Variants in PHKA2 observed in about 807,000 individuals in gnomAD.
The protein encoded by PHKA2 is phosphorylase b kinase regulatory subunit alpha, liver isoform.
In PHKA2, 31 loss-of-function variants were observed where a neutral mutation model predicts 102.0. The observed-to-expected ratio is 0.30, with a 90% confidence interval of 0.23 to 0.41. The LOEUF is 0.41. Ranked by LOEUF, PHKA2 falls within the 10% of genes least tolerant of loss-of-function variation. The pLI, the probability that PHKA2 is intolerant of heterozygous loss-of-function variation, is 1.00. For synonymous variants in PHKA2, 455 were observed against 416.2 expected, an observed-to-expected ratio of 1.09 and a Z score of -1.13; for missense variants, 858 against 1,023.1, an observed-to-expected ratio of 0.84 and a Z score of 2.20.
At chrX:18,897,509 A>G (rs1306933597) in intron 29 of PHKA2, 176 bp from the exon 30 acceptor site, 2 of 463,200 alleles carry the variant, frequency 4.3e-6, no homozygotes, top group South Asian at 3.3e-5. Flanking sequence ...GATGACTCGC[A>G]TACTTTGGGT....
chrX:18,923,999 A>C, intron 17 of PHKA2, 57 bp downstream of exon 17: 2 of 799,102 alleles, frequency 2.5e-6, no homozygotes, highest in South Asian at 2.1e-5. Flanking sequence ...AGGGCAGCAA[A>C]GGACTTTAAG....
At chrX:18,900,551 C>T (rs967109963) in intron 28 of PHKA2, 119 bp downstream of exon 28, 2 of 648,374 alleles carry the variant, frequency 3.1e-6, no homozygotes, top group African/African-American at 2.2e-5. Flanking sequence ...TGCCCCAGCC[C>T]GTTTGCTGGA....
intron 5 of PHKA2, among the ~76,000 whole-genome samples, chrX:18,945,440 A>G (rs1016284796): frequency 1.8e-5 from 2 of 112,244 alleles, no homozygotes; most frequent in Non-Finnish European, 3.8e-5. Flanking sequence ...GAAACTCTGG[A>G]TGTATGGAGA....
chrX:18,975,295 C>A (rs2049071764), intron 1 of PHKA2, among the ~76,000 whole-genome samples: 1 of 111,494 alleles, frequency 9.0e-6, no homozygotes, highest in Admixed American at 9.5e-5. Context: ...GTAAGTCTCA[C>A]GGGATCTGAT....
chrX:18,895,232 T>A (rs1484844753), intron 30 of PHKA2, 41 bp from the exon 31 acceptor site: 1 of 1,147,310 alleles, frequency 8.7e-7, no homozygotes, highest in Non-Finnish European at 1.2e-6. Flanking sequence ...GATTCCAGAA[T>A]GGGATAAGCA....
rs758012915 is a variant in PHKA2, at chrX:18,894,352, C to T, written c.3389G>A (p.Arg1130His). 2.5e-5 allele frequency: 30 copies of T among 1,210,172 alleles called. No individual in the cohort carries two copies. The highest frequency in any genetic ancestry group is 5.2e-5 in the African/African-American group (3 of 57,447). Residue 1130 changes from arginine to histidine, a missense_variant, in exon 32 of 33, where the codon CGC (arginine) becomes CAC (histidine). This residue lies in a region of PHKA2 where 671 missense variants were observed against 745.2 expected (regional missense o/e 0.90). Coordinates refer to ENST00000379942, the MANE Select transcript of PHKA2 (RefSeq NM_000292.3). ...FAVHVESVLN[R>H]VPQPEYRQLL... is the part of the protein sequence containing the mutation. Reference sequence around the variant, plus strand: ...CTGCCGGTACTCGGGCTGCGGCACGCGGTTCAGCACCGATTCGACATGGAC... The same window carrying T: ...CTGCCGGTACTCGGGCTGCGGCACGTGGTTCAGCACCGATTCGACATGGAC...
At chrX:18,910,765 G>A (rs1378826155) in intron 20 of PHKA2, 107 bp downstream of exon 20, 4 of 494,764 alleles carry the variant, frequency 8.1e-6, no homozygotes, top group African/African-American at 2.4e-5. Context: ...CCCTGATATC[G>A]AGAAATATGC....
intron 5 of PHKA2, among the ~76,000 whole-genome samples, chrX:18,947,352 T>A (rs2048597950): frequency 8.9e-6 from 1 of 112,223 alleles, no homozygotes. Context: ...GGGGTTGTTG[T>A]GTAAAGGTGC....
At position 18,897,225 on chromosome X, in the gene PHKA2, C is replaced by T; in HGVS notation, c.3220G>A (p.Asp1074Asn). The T allele has an allele frequency of 8.3e-7, 1 of 1,211,112 alleles. No homozygotes were observed. Among genetic ancestry groups the T allele is most frequent in the South Asian group, 1.8e-5 (1 of 56,986 alleles). Residue 1074 changes from aspartate (D) to asparagine (N), a missense_variant, in exon 30 of 33, where the codon GAT (aspartate) becomes AAT (asparagine). Asp to Asn is a conservative substitution (Grantham distance 23). Coordinates refer to ENST00000379942, the MANE Select transcript of PHKA2 (RefSeq NM_000292.3). ...ACGGGGACCCTGTTGATGGCCCCAT[C>T]CAGCCTTCTCCTGCGCAGCCACTGG... is the stretch of plus-strand genomic sequence containing the variant. ...QGQWLRRRRLDGAINRVPVGF... is the reference protein window; with the variant it reads ...QGQWLRRRRLNGAINRVPVGF...
In PHKA2 at chrX:18,901,499, T is replaced by C. The variant is rs759600482; in HGVS notation, c.3013A>G (p.Ser1005Gly). ...GGTGTTCTTACCTGTTTCATTTCAC[T>C]CCTCAGTCTGTTAATGCCACTCCTC... ...TERSGINRLR[S>G]EMKQMTRRFS... Residue 1005 changes from serine (S) to glycine (G), a missense_variant, in exon 27 of 33, where the codon AGT becomes GGT. Coordinates refer to ENST00000379942, the MANE Select transcript of PHKA2 (RefSeq NM_000292.3). The C allele has an allele frequency of 2.6e-6, 3 of 1,171,221 alleles. No individual in the cohort carries two copies. Among genetic ancestry groups the C allele is most frequent in the Non-Finnish European group, 3.5e-6 (3 of 858,653 alleles).
chrX:18,983,905 G>A lies in PHKA2; in HGVS notation c.28C>T (p.Arg10Cys). The change falls in exon 1 of 33, where the codon CGC becomes TGC. Residue 10 changes from arginine to cysteine, a missense_variant. Arg to Cys is a radical substitution (Grantham distance 180). This residue lies in a region of PHKA2 where 187 missense variants were observed against 277.9 expected (regional missense o/e 0.67). Transcript: ENST00000379942. Reference protein sequence around the residue: MRSRSNSGVRLDGYARLVQQ... With the variant: MRSRSNSGVCLDGYARLVQQ... ...ACCAGCCGCGCGTACCCGTCCAAGC[G>A]GACCCCGGAATTGCTCCTGCTCCGC... 2 of 1,211,534 alleles carry A rather than the reference G, an allele frequency of 1.7e-6. No individual in the cohort carries two copies. The highest frequency in any genetic ancestry group is 2.2e-6 in the Non-Finnish European group (2 of 895,019).
chrX:18,916,230 C>T (rs1350051219), intron 19 of PHKA2, among the ~76,000 whole-genome samples: 1 of 112,007 alleles, frequency 8.9e-6, no homozygotes, highest in Non-Finnish European at 1.9e-5. Context: ...GCCTGGCCAA[C>T]ACGGTGAAAC....
chrX:18,906,856 G>C (rs1273248287), intron 23 of PHKA2, 42 bp from the exon 24 acceptor site: 1 of 1,103,594 alleles, frequency 9.1e-7, no homozygotes, highest in Admixed American at 2.2e-5. Flanking sequence ...GAGGTGTCTT[G>C]AGACAGTGCC....
rs2047470901 is a variant in PHKA2 at position 18,893,660 on chromosome X, A to C, written c.3538-5T>G. On this transcript the variant is annotated splice_polypyrimidine_tract_variant and splice_region_variant and intron_variant, in intron 32 of 32. Coordinates refer to ENST00000379942, the MANE Select transcript of PHKA2 (RefSeq NM_000292.3). ...GTCCATGGCACCAATTGACACCTGC[A>C]GTAGGAAAGGGCAGAGGGGACAATA... 2 of 1,206,746 alleles carry C rather than the reference A, an allele frequency of 1.7e-6. No individual in the cohort carries two copies. Among genetic ancestry groups the C allele is most frequent in the South Asian group, 3.5e-5 (2 of 56,908 alleles).
At position 18,901,563 on chromosome X, in the gene PHKA2, G is replaced by A; in HGVS notation, c.2949C>T (p.Ser983=). 2 of 1,207,777 alleles carry A rather than the reference G, an allele frequency of 1.7e-6. No homozygotes were observed. The highest frequency in any genetic ancestry group is 1.1e-6 in the Non-Finnish European group (1 of 891,877). The change falls in exon 27 of 33, where the codon TCC becomes TCT. Residue 983 remains serine (S), a synonymous_variant. Transcript: ENST00000379942. ...IHSSTSSPTI[S]IHEVGHTGVT... ...CTCCGGTATGGCCCACCTCGTGGAT[G>A]GAGATGGTAGGGCTGGATGTGGAGG...
intron 10 of PHKA2, among the ~76,000 whole-genome samples, chrX:18,937,817 A>G (rs1308884514): frequency 8.9e-6 from 1 of 112,281 alleles, no homozygotes; most frequent in Non-Finnish European, 1.9e-5. Context: ...TTGCCTTTTA[A>G]TAAGATCACT....
At chrX:18,941,490 C>T in intron 8 of PHKA2, 39 bp downstream of exon 8, 1 of 1,174,991 alleles carries the variant, frequency 8.5e-7, no homozygotes, top group Non-Finnish European at 1.2e-6. Context: ...CCATGCACAT[C>T]ACACAGGACA....
chrX:18,893,659 C>G lies in PHKA2; in HGVS notation c.3538-4G>C. 1 of 1,207,314 alleles carries G rather than the reference C, an allele frequency of 8.3e-7. No individual in the cohort carries two copies. On this transcript the variant is annotated splice_polypyrimidine_tract_variant and splice_region_variant and intron_variant, in intron 32 of 32. Coordinates refer to ENST00000379942, the MANE Select transcript of PHKA2 (RefSeq NM_000292.3). ...TGTCCATGGCACCAATTGACACCTGCAGTAGGAAAGGGCAGAGGGGACAAT... is the reference window on the plus strand; with the variant it reads ...TGTCCATGGCACCAATTGACACCTGGAGTAGGAAAGGGCAGAGGGGACAAT...
chrX:18,893,222 G>A lies in PHKA2; in HGVS notation c.*263C>T. ...CTCCTCAGAGTCCGTGAGACCAGAT[G>A]CTACAGCAAATGTTCCAGAGAAATG... is the stretch of plus-strand genomic sequence containing the variant. On this transcript the variant is annotated 3_prime_UTR_variant, in exon 33 of 33. Coordinates refer to ENST00000379942, the MANE Select transcript of PHKA2 (RefSeq NM_000292.3). 1 of 412,831 alleles carries A rather than the reference G, an allele frequency of 2.4e-6. No homozygotes were observed. Among genetic ancestry groups the A allele is most frequent in the Non-Finnish European group, 4.3e-6 (1 of 234,408 alleles). The allele number at this position is 412,831 out of a possible 1,213,427, so 34.0% of individuals were successfully genotyped here. A position where few individuals can be genotyped will look rare whatever the true frequency, so the allele number is the denominator to read the frequency against.
Sources: gnomAD v4.1 joint callset for allele counts (sites outside exome capture counted in the v4.1 genomes callset) on GRCh38, gnomAD v4.1.1 for gene constraint, gnomAD v4.1.1 regional missense constraint, MANE v1.5 for transcripts, NCBI Gene and HGNC (gene_info 2026-07-23, HGNC 2026-07-21) for gene names.